Variants in INPP4A observed in about 807,000 individuals in gnomAD.
The protein encoded by INPP4A is inositol polyphosphate-4-phosphatase type I A, also known as inositol polyphosphate-4-phosphatase, type I, 107kD.
In INPP4A, 33 loss-of-function variants were observed where a neutral mutation model predicts 119.8. The ratio of observed to expected loss-of-function variants is 0.28; its 90% CI spans 0.21 to 0.37. INPP4A has a LOEUF of 0.37. Among genes scored for constraint, INPP4A ranks in the 10% least tolerant of loss-of-function variants. The probability of loss-of-function intolerance (pLI) is 1.00; values close to 1 mark genes in which losing one functional copy is unlikely to be tolerated. For missense variants in INPP4A, 956 were observed against 1,289.9 expected, an observed-to-expected ratio of 0.74 and a Z score of 3.97; for synonymous variants, 496 against 500.7, an observed-to-expected ratio of 0.99 and a Z score of 0.12.
chr2:98,486,834 G>A (rs2105150427), intron 1 of INPP4A, among the ~76,000 whole-genome samples: 1 of 152,364 alleles, frequency 6.6e-6, no homozygotes, highest in East Asian at 1.9e-4. Flanking sequence ...GCTGCACAGT[G>A]GCCTCTGCCA....
intron 24 of INPP4A, chr2:98,581,950 T>C (rs781621293): frequency 5.6e-6 from 5 of 889,012 alleles, no homozygotes; most frequent in Non-Finnish European, 8.1e-6. Flanking sequence ...AGAAGACTTG[T>C]TTGTTTAGCT....
At chr2:98,516,274 C>T (rs1475328206) in intron 1 of INPP4A, among the ~76,000 whole-genome samples, 1 of 152,094 alleles carries the variant, frequency 6.6e-6, no homozygotes, top group African/African-American at 2.4e-5. Flanking sequence ...ATTAAATGTC[C>T]CCAAATAACT....
Position 98,572,814 on chromosome 2 carries a change from G to T in INPP4A, c.2519-1G>T. On this transcript the variant is annotated splice_acceptor_variant, in intron 22 of 24. Coordinates refer to ENST00000409851, the MANE Select transcript of INPP4A (RefSeq NM_001134225.2). LOFTEE classifies it high-confidence loss of function. The stretch of plus-strand genomic sequence containing the variant: ...TCCCACGAACTCCTTTTCTCTTCCA[G>T]GCCTGCCTCGGTCTCGCAGTCAGAC... 1 of 1,551,314 alleles carries T rather than the reference G, an allele frequency of 6.4e-7. No individual in the cohort carries two copies.
chr2:98,536,329 G>C, intron 7 of INPP4A, 121 bp downstream of exon 7: 2 of 670,690 alleles, frequency 3.0e-6, no homozygotes, highest in Non-Finnish European at 5.4e-6. Context: ...GCCAGTCAGC[G>C]TGGGGACACT....
intron 10 of INPP4A, among the ~76,000 whole-genome samples, chr2:98,543,590 T>G (rs963413519): frequency 6.6e-6 from 1 of 152,180 alleles, no homozygotes; most frequent in African/African-American, 2.4e-5. Context: ...GCAGCCTGTC[T>G]TCTTCTCCCC....
At chr2:98,565,035 C>T (rs1453500733) in intron 19 of INPP4A, among the ~76,000 whole-genome samples, 1 of 152,242 alleles carries the variant, frequency 6.6e-6, no homozygotes, top group African/African-American at 2.4e-5. Context: ...GCAGTGACAT[C>T]TGTGCATGAG....
intron 1 of INPP4A, among the ~76,000 whole-genome samples, chr2:98,504,352 A>G (rs1683655171): frequency 1.3e-5 from 2 of 152,268 alleles, no homozygotes; most frequent in South Asian, 4.1e-4. Context: ...TGTTTCAAAC[A>G]GGATTCCATT....
intron 1 of INPP4A, among the ~76,000 whole-genome samples, chr2:98,455,895 G>A (rs1356796127): frequency 1.3e-5 from 2 of 152,230 alleles, no homozygotes; most frequent in Non-Finnish European, 2.9e-5. Context: ...GAAGCTGCCT[G>A]TGTGTCACAC....
chr2:98,565,667 T>C lies in INPP4A; in HGVS notation c.2180T>C (p.Met727Thr), dbSNP rs760444744. 4 of 1,610,896 alleles carry C rather than the reference T, an allele frequency of 2.5e-6. No individual in the cohort carries two copies. The highest frequency in any genetic ancestry group is 3.4e-6 in the Non-Finnish European group (4 of 1,177,468). The change falls in exon 20 of 25, where the codon ATG (methionine) becomes ACG (threonine). Residue 727 changes from methionine (M) to threonine (T), a missense_variant. By Grantham distance (81) the Met-to-Thr change is moderately conservative. Around this residue, in one of 2 missense-constraint regions of INPP4A, gnomAD observed 304 missense variants for 492.1 expected, o/e 0.62. Coordinates refer to ENST00000409851, the MANE Select transcript of INPP4A (RefSeq NM_001134225.2). Reference protein sequence around the residue: ...YGEELAMLEDMSLGIMDLRNV... With the variant: ...YGEELAMLEDTSLGIMDLRNV... ...GAGGAGCTGGCAATGCTGGAGGACA[T>C]GAGCCTTGGGATCATGGACTTGAGG...
intron 1 of INPP4A, among the ~76,000 whole-genome samples, chr2:98,502,477 T>C (rs754208627): frequency 2.0e-5 from 3 of 152,170 alleles, no homozygotes; most frequent in Non-Finnish European, 4.4e-5. Flanking sequence ...AGATTTTAAT[T>C]AGCTTTCACT....
intron 18 of INPP4A, 131 bp from the exon 19 acceptor site, chr2:98,564,509 G>C (rs1696071132): frequency 5.4e-6 from 6 of 1,113,942 alleles, no homozygotes; most frequent in Non-Finnish European, 6.6e-6. Context: ...CTCAAGGGAT[G>C]GGAGGTGCCA....
intron 4 of INPP4A, among the ~76,000 whole-genome samples, chr2:98,528,874 G>A (rs907993124): frequency 4.6e-5 from 7 of 151,860 alleles, no homozygotes; most frequent in Admixed American, 1.3e-4. Flanking sequence ...TCAGGAGATC[G>A]AGACCATCCT....
In INPP4A at chr2:98,585,291, C is replaced by A. The variant is rs181035578; in HGVS notation, c.2787-2185C>A. Among the ~76,000 whole-genome samples, 7 of 152,328 alleles carry A rather than the reference C, an allele frequency of 4.6e-5. No homozygotes were observed. In the East Asian group the frequency reaches 1.3e-3, roughly 29 times the overall value. On this transcript the variant is annotated intron_variant, in intron 24 of 24. Coordinates refer to ENST00000409851, the MANE Select transcript of INPP4A (RefSeq NM_001134225.2). The stretch of plus-strand genomic sequence containing the variant: ...ATGAGTTCTCAAGTGGAAGACCCCA[C>A]TGGAACCGGAAAACTAGAGGATTCC...
At chr2:98,520,257 AC>A in intron 3 of INPP4A, 103 bp downstream of exon 3, 1 of 856,006 alleles carries the variant, frequency 1.2e-6, no homozygotes, top group Non-Finnish European at 1.9e-6. Flanking sequence ...CCCCATGACT[AC>A]CCTAGACTAC....
intron 4 of INPP4A, among the ~76,000 whole-genome samples, chr2:98,525,327 C>T (rs2105811721): frequency 6.6e-6 from 1 of 152,276 alleles, no homozygotes; most frequent in African/African-American, 2.4e-5. Context: ...TATGATTCAC[C>T]CTAAGGCCTT....
At chr2:98,486,561 G>A (rs1679577177) in intron 1 of INPP4A, among the ~76,000 whole-genome samples, 1 of 152,250 alleles carries the variant, frequency 6.6e-6, no homozygotes, top group Non-Finnish European at 1.5e-5. Context: ...TTCCTCAGTT[G>A]CCCACAGGGC....
intron 1 of INPP4A, among the ~76,000 whole-genome samples, chr2:98,498,553 C>G (rs1285809176): frequency 6.6e-6 from 1 of 151,862 alleles, no homozygotes; most frequent in African/African-American, 2.4e-5. Context: ...CTTGGCCTCT[C>G]ACTGGCAACA....
rs2106576705 is a variant in INPP4A, at chr2:98,590,134, T to TA, written c.*2529dup. On this transcript the variant is annotated 3_prime_UTR_variant, in exon 25 of 25. Coordinates refer to ENST00000409851, the MANE Select transcript of INPP4A (RefSeq NM_001134225.2). ...TGCTAGTCTTTAGAATGACACATAA[T>TA]AAATAACTGACAAGATATTAAATGT... 5.1e-6 allele frequency: 1 copy of TA among 197,682 alleles called. No homozygotes were observed. The highest frequency in any genetic ancestry group is 1.9e-4 in the South Asian group (1 of 5,202). 12.2% of individuals were successfully genotyped at this position (197,682 alleles called of 1,614,324 possible). A position where few individuals can be genotyped will look rare whatever the true frequency, so the allele number is the denominator to read the frequency against.
At chr2:98,585,067 T>A in intron 24 of INPP4A, among the ~76,000 whole-genome samples, 1 of 152,212 alleles carries the variant, frequency 6.6e-6, no homozygotes. Context: ...GAAACCACAA[T>A]CAGGAGTGGT....
Sources: gnomAD v4.1 joint callset for allele counts (sites outside exome capture counted in the v4.1 genomes callset) on GRCh38, gnomAD v4.1.1 for gene constraint, gnomAD v4.1.1 regional missense constraint, MANE v1.5 for transcripts, NCBI Gene and HGNC (gene_info 2026-07-23, HGNC 2026-07-21) for gene names.